Variants in ABTB3 observed in about 807,000 individuals in gnomAD.
ABTB3 encodes the protein ankyrin repeat and BTB domain containing 3.
At chr12:107,500,971 A>T in the ABTB3 span, among the ~76,000 whole-genome samples, 1 of 152,142 alleles carries the variant, frequency 6.6e-6, no homozygotes, top group Admixed American at 6.5e-5. Flanking sequence ...CAAATTCTGA[A>T]GCCAAACAGA....
chr12:107,428,965 G>A, the ABTB3 span, among the ~76,000 whole-genome samples: 3 of 152,194 alleles, frequency 2.0e-5, no homozygotes, highest in Non-Finnish European at 2.9e-5. Context: ...GCACGTAGCT[G>A]CCATATTGCT....
At chr12:107,651,751 T>C in the ABTB3 span, 13 of 1,614,118 alleles carry the variant, frequency 8.1e-6, no homozygotes, top group African/African-American at 1.3e-4. Context: ...AAAGCATCAA[T>C]ACCGACAACT....
chr12:107,467,922 TC>T, the ABTB3 span, among the ~76,000 whole-genome samples: 1 of 152,028 alleles, frequency 6.6e-6, no homozygotes, highest in Non-Finnish European at 1.5e-5. Flanking sequence ...AACTGATCCC[TC>T]CAGATGTGAT....
chr12:107,598,295 G>T, the ABTB3 span, among the ~76,000 whole-genome samples: 9 of 152,238 alleles, frequency 5.9e-5, no homozygotes, highest in Non-Finnish European at 1.3e-4. Context: ...AACACAGGAT[G>T]GGGAAGATGC....
At chr12:107,476,049 G>A in the ABTB3 span, among the ~76,000 whole-genome samples, 45 of 152,288 alleles carry the variant, frequency 3.0e-4, no homozygotes, top group African/African-American at 8.9e-4. Flanking sequence ...GCAAACATCC[G>A]TCCCCCAGAA....
chr12:107,424,350 G>T, the ABTB3 span, among the ~76,000 whole-genome samples: 2 of 152,132 alleles, frequency 1.3e-5, no homozygotes, highest in Non-Finnish European at 2.9e-5. Context: ...CCCACTGCAG[G>T]TAAACATCAA....
chr12:107,366,832 G>C, the ABTB3 span, among the ~76,000 whole-genome samples: 9 of 152,180 alleles, frequency 5.9e-5, no homozygotes, highest in African/African-American at 1.9e-4. Flanking sequence ...TATTCTTTCT[G>C]GAAGGGATCC....
At chr12:107,345,699 CA>C in the ABTB3 span, among the ~76,000 whole-genome samples, 26 of 149,496 alleles carry the variant, frequency 1.7e-4, no homozygotes, top group African/African-American at 2.5e-4. Flanking sequence ...CCTAGGGAGA[CA>C]AAAAAAAATG....
chr12:107,573,744 T>C, the ABTB3 span, among the ~76,000 whole-genome samples: 1 of 152,226 alleles, frequency 6.6e-6, no homozygotes, highest in Non-Finnish European at 1.5e-5. Flanking sequence ...CAAGTTCAAA[T>C]GTATTCGACT....
the ABTB3 span, among the ~76,000 whole-genome samples, chr12:107,652,171 G>C: frequency 6.6e-6 from 1 of 152,218 alleles, no homozygotes; most frequent in African/African-American, 2.4e-5. Context: ...CTAGAACAGT[G>C]GCTGTCCAAT....
At chr12:107,322,343 T>C in the ABTB3 span, among the ~76,000 whole-genome samples, 1 of 152,168 alleles carries the variant, frequency 6.6e-6, no homozygotes, top group Non-Finnish European at 1.5e-5. Flanking sequence ...TATGATTTCA[T>C]TGTGATCTCT....
At chr12:107,635,852 C>T in the ABTB3 span, among the ~76,000 whole-genome samples, 4 of 1,400 alleles carry the variant, frequency 2.9e-3, no homozygotes, top group Non-Finnish European at 2.9e-3. Flanking sequence ...GAGGAACAAC[C>T]CCCCCCCCCC....
chr12:107,367,879 T>TA, the ABTB3 span, among the ~76,000 whole-genome samples: 1 of 152,222 alleles, frequency 6.6e-6, no homozygotes, highest in South Asian at 2.1e-4. Context: ...CCAAGGCGTT[T>TA]AATATATGCT....
the ABTB3 span, among the ~76,000 whole-genome samples, chr12:107,540,911 G>A: frequency 1.3e-5 from 2 of 152,286 alleles, no homozygotes; most frequent in Non-Finnish European, 2.9e-5. Context: ...TTAAGTGGGA[G>A]GATCGCTTGA....
the ABTB3 span, among the ~76,000 whole-genome samples, chr12:107,405,521 G>T: frequency 6.6e-6 from 1 of 152,254 alleles, no homozygotes; most frequent in Non-Finnish European, 1.5e-5. Context: ...GAGCAGTGGG[G>T]CAGGCAAGGG....
chr12:107,580,744 A>T, the ABTB3 span: 1 of 1,361,950 alleles, frequency 7.3e-7, no homozygotes, highest in Non-Finnish European at 9.7e-7. Context: ...GGGAGCCCCA[A>T]ATAGAAATAA....
chr12:107,648,777 G>C, the ABTB3 span, among the ~76,000 whole-genome samples: 1 of 152,174 alleles, frequency 6.6e-6, no homozygotes, highest in African/African-American at 2.4e-5. Flanking sequence ...GTTCGCAGGG[G>C]AACAACCCTC....
At chr12:107,608,877 TTAAAA>T in the ABTB3 span, among the ~76,000 whole-genome samples, 11 of 90,474 alleles carry the variant, frequency 1.2e-4, no homozygotes, top group East Asian at 1.4e-3. Flanking sequence ...CCTCAAAAAT[TTAAAA>T]TAAAATAAAA....
chr12:107,458,693 C>T, the ABTB3 span, among the ~76,000 whole-genome samples: 1 of 152,114 alleles, frequency 6.6e-6, no homozygotes, highest in Admixed American at 6.6e-5. Flanking sequence ...TGGGGAGTAC[C>T]TGTGGGCAGG....
Sources: allele counts gnomAD v4.1 joint callset (sites outside exome capture counted in the v4.1 genomes callset), GRCh38; gene constraint gnomAD v4.1.1; transcripts MANE v1.5; gene names NCBI Gene and HGNC (gene_info 2026-07-23, HGNC 2026-07-21).